NFAM1: variants seen among roughly 807,000 people sequenced by gnomAD.
NFAM1 encodes the protein NFAT activating protein with ITAM motif 1.
In NFAM1, 17 loss-of-function variants were observed where a neutral mutation model predicts 29.0. The observed-to-expected ratio is 0.59, with a 90% CI of 0.40 to 0.88. The LOEUF (loss-of-function observed/expected upper bound fraction) is 0.88. NFAM1 is among the 40% of genes least tolerant of loss of function. The probability of loss-of-function intolerance (pLI) is 0.00; values close to 1 mark genes in which losing one functional copy is unlikely to be tolerated. For synonymous variants in NFAM1, 175 were observed against 147.2 expected, an observed-to-expected ratio of 1.19 and a Z score of -1.36; for missense variants, 324 against 344.6, an observed-to-expected ratio of 0.94 and a Z score of 0.47.
chr22:42,418,722 T>C (rs765580656), intron 1 of NFAM1, among the ~76,000 whole-genome samples: 26 of 151,700 alleles, frequency 1.7e-4, no homozygotes, highest in Non-Finnish European at 3.4e-4. Flanking sequence ...ATGCCAGCCC[T>C]ATACCCTTCT....
At position 42,384,976 on chromosome 22, in the gene NFAM1, T is replaced by C. The variant is rs951638292; in HGVS notation, c.*185A>G. 1 of 670,280 alleles carries C rather than the reference T, an allele frequency of 1.5e-6. No homozygotes were observed. The highest frequency in any genetic ancestry group is 1.8e-5 in the African/African-American group (1 of 55,866). 41.5% of individuals were successfully genotyped at this position (670,280 alleles called of 1,614,324 possible). ...CAAAGGCCCCAAGATGGGAAAGCCT[T>C]GGTGGTTGGGGCATAGAATGGGGGG... On this transcript the variant is annotated 3_prime_UTR_variant, in exon 6 of 6. Coordinates refer to ENST00000329021, the MANE Select transcript of NFAM1 (RefSeq NM_145912.8).
In NFAM1 at chr22:42,404,542, T is replaced by C. The variant is rs1335114868; in HGVS notation, c.564+4893A>G. Among the ~76,000 whole-genome samples, 4 of 152,058 alleles carry C rather than the reference T, an allele frequency of 2.6e-5. No individual in the cohort carries two copies. In the East Asian group the frequency reaches 7.8e-4, roughly 29 times the overall value. On this transcript the variant is annotated intron_variant, in intron 3 of 5. Coordinates refer to ENST00000329021, the MANE Select transcript of NFAM1 (RefSeq NM_145912.8). ...CCAGCCCAGGCTCTCACATCAGCCGTTCTCCCCAGGTACAGAGGGTGTGTG... is the reference window on the plus strand; with the variant it reads ...CCAGCCCAGGCTCTCACATCAGCCGCTCTCCCCAGGTACAGAGGGTGTGTG...
At chr22:42,395,981 T>C (rs902722733) in intron 4 of NFAM1, among the ~76,000 whole-genome samples, 1 of 151,630 alleles carries the variant, frequency 6.6e-6, no homozygotes, top group African/African-American at 2.4e-5. Flanking sequence ...TGATAAAATA[T>C]AACAGGTGTA....
chr22:42,386,426 CAAA>C (rs1569224429), intron 5 of NFAM1, among the ~76,000 whole-genome samples: 2 of 106,452 alleles, frequency 1.9e-5, no homozygotes, highest in African/African-American at 8.4e-5. Context: ...CACACACACA[CAAA>C]ACAAAAACAA....
At chr22:42,399,552 G>A (rs992668835) in intron 3 of NFAM1, among the ~76,000 whole-genome samples, 10 of 152,084 alleles carry the variant, frequency 6.6e-5, no homozygotes, top group East Asian at 5.8e-4. Context: ...TGGCGTGGCC[G>A]TGCTGGCTGC....
upstream of NFAM1, among the ~76,000 whole-genome samples, chr22:42,433,406 C>T (rs1476449654): frequency 1.3e-5 from 2 of 152,210 alleles, no homozygotes; most frequent in Admixed American, 6.5e-5. Flanking sequence ...AAAGAGAAGA[C>T]CTCGGCCCCA....
At chr22:42,426,938 G>A (rs968852085) in intron 1 of NFAM1, among the ~76,000 whole-genome samples, 1 of 152,148 alleles carries the variant, frequency 6.6e-6, no homozygotes, top group Admixed American at 6.5e-5. Context: ...GGTACTGGAT[G>A]TACCTTCCTA....
At chr22:42,386,491 C>T (rs947576211) in intron 5 of NFAM1, among the ~76,000 whole-genome samples, 1 of 151,870 alleles carries the variant, frequency 6.6e-6, no homozygotes, top group Non-Finnish European at 1.5e-5. Flanking sequence ...CCTATCATGA[C>T]AATCACAGAA....
chr22:42,411,411 G>C lies in NFAM1; in HGVS notation c.447C>G (p.Val149=), dbSNP rs1930083439. 1 of 1,611,666 alleles carries C rather than the reference G, an allele frequency of 6.2e-7. No individual in the cohort carries two copies. The highest frequency in any genetic ancestry group is 1.3e-5 in the African/African-American group (1 of 74,890). ...GAGCCACAGAGGAAGCCTTACCTCT[G>C]ACCAGGATGAAGGTGCCGCTGCCTC... ...TVRGSGTFIL[V]RDAGYREPPQ... The change falls in exon 2 of 6, where the codon GTC becomes GTG. Residue 149 remains valine (V), a synonymous_variant. Coordinates refer to ENST00000329021, the MANE Select transcript of NFAM1 (RefSeq NM_145912.8).
chr22:42,400,685 T>C (rs1169816667), intron 3 of NFAM1, among the ~76,000 whole-genome samples: 5 of 152,198 alleles, frequency 3.3e-5, no homozygotes, highest in Non-Finnish European at 5.9e-5. Context: ...AGGCTGTCCT[T>C]GGATCAAACC....
At chr22:42,436,789 C>T (rs1404899198), upstream of NFAM1, among the ~76,000 whole-genome samples, 1 of 152,236 alleles carries the variant, frequency 6.6e-6, no homozygotes, top group Non-Finnish European at 1.5e-5. Flanking sequence ...GAACACAAGC[C>T]ACTTGCCCAA....
upstream of NFAM1, chr22:42,437,126 A>C: frequency 4.4e-6 from 1 of 229,838 alleles, no homozygotes; most frequent in Non-Finnish European, 6.2e-6. Context: ...AGGTGGCATG[A>C]TTTTTTCTTT....
chr22:42,413,260 G>T (rs1365721880), intron 1 of NFAM1, among the ~76,000 whole-genome samples: 3 of 152,290 alleles, frequency 2.0e-5, no homozygotes, highest in Middle Eastern at 3.4e-3. Flanking sequence ...GGAAAGAGAG[G>T]TGTGGGCCCT....
chr22:42,395,765 C>T (rs1207033105), intron 4 of NFAM1, among the ~76,000 whole-genome samples: 3 of 151,182 alleles, frequency 2.0e-5, no homozygotes, highest in African/African-American at 7.3e-5. Flanking sequence ...CACCTGTAGT[C>T]CCAGCTACTT....
chr22:42,394,317 G>C (rs865981867), intron 4 of NFAM1, among the ~76,000 whole-genome samples: 25 of 152,068 alleles, frequency 1.6e-4, no homozygotes, highest in African/African-American at 6.0e-4. Context: ...GGATTACAGG[G>C]GTAAGCCACT....
upstream of NFAM1, among the ~76,000 whole-genome samples, chr22:42,435,381 C>G (rs996516751): frequency 3.6e-5 from 5 of 137,662 alleles, no homozygotes; most frequent in African/African-American, 1.4e-4. Context: ...GAATTTTTCT[C>G]TTGTTGCCCA....
At chr22:42,410,169 C>G (rs1305712985) in intron 2 of NFAM1, 1 of 173,810 alleles carries the variant, frequency 5.8e-6, no homozygotes, top group Non-Finnish European at 1.3e-5. Context: ...CATCCAAGTC[C>G]TTGGAAGGCA....
At chr22:42,405,578 G>A (rs1395650142) in intron 3 of NFAM1, among the ~76,000 whole-genome samples, 1 of 152,224 alleles carries the variant, frequency 6.6e-6, no homozygotes, top group Non-Finnish European at 1.5e-5. Flanking sequence ...CGGGCACATG[G>A]CAGGTGCATA....
intron 3 of NFAM1, among the ~76,000 whole-genome samples, chr22:42,398,320 T>C (rs34966242): frequency 0.17 from 25,306 of 152,018 alleles, 2,272 homozygotes; most frequent in African/African-American, 0.21. Context: ...GTGTCCAGTC[T>C]TCCTCTGCTG....
Sources: gnomAD v4.1 joint callset for allele counts (sites outside exome capture counted in the v4.1 genomes callset) on GRCh38, gnomAD v4.1.1 for gene constraint, MANE v1.5 for transcripts, NCBI Gene and HGNC (gene_info 2026-07-23, HGNC 2026-07-21) for gene names.